ITPR2: variants seen among roughly 807,000 people sequenced by gnomAD.
The protein encoded by ITPR2 is inositol 1,4,5-trisphosphate receptor type 2.
A neutral mutation model predicts 317.1 loss-of-function variants in ITPR2; 207 were observed. The ratio of observed to expected loss-of-function variants is 0.65; its 90% CI spans 0.58 to 0.73. The LOEUF (loss-of-function observed/expected upper bound fraction) is 0.73, where lower values mean the gene tolerates loss of function less well. Ranked by LOEUF, ITPR2 falls within the 30% of genes least tolerant of loss-of-function variation. The probability of loss-of-function intolerance (pLI) is 0.00; values close to 1 mark genes in which losing one functional copy is unlikely to be tolerated. For synonymous variants in ITPR2, 1,156 were observed against 1,149.1 expected, an observed-to-expected ratio of 1.01 and a Z score of -0.12; for missense variants, 2,613 against 3,284.0, an observed-to-expected ratio of 0.80 and a Z score of 4.99.
intron 13 of ITPR2, among the ~76,000 whole-genome samples, chr12:26,678,741 G>T (rs1290808632): frequency 6.6e-6 from 1 of 152,146 alleles, no homozygotes; most frequent in African/African-American, 2.4e-5. Context: ...CTCCAAAACA[G>T]CAGGGAAAGA....
intron 45 of ITPR2, among the ~76,000 whole-genome samples, chr12:26,445,268 G>T (rs1007556608): frequency 3.3e-5 from 5 of 152,154 alleles, no homozygotes; most frequent in African/African-American, 1.2e-4. Context: ...CTTTGGTTTT[G>T]GACATATGAA....
chr12:26,809,815 C>T (rs368669130), intron 1 of ITPR2, among the ~76,000 whole-genome samples: 2 of 152,038 alleles, frequency 1.3e-5, no homozygotes, highest in African/African-American at 2.4e-5. Flanking sequence ...CTATAAATAA[C>T]GAGCGTAGAT....
intron 9 of ITPR2, among the ~76,000 whole-genome samples, chr12:26,706,590 C>A (rs976214645): frequency 1.3e-5 from 2 of 152,122 alleles, no homozygotes; most frequent in Admixed American, 6.5e-5. Context: ...ACCCCCTGAC[C>A]ATTTCTTGCA....
chr12:26,436,431 T>A, intron 47 of ITPR2, 85 bp from the exon 48 acceptor site: 1 of 1,198,242 alleles, frequency 8.3e-7, no homozygotes, highest in Non-Finnish European at 1.2e-6. Flanking sequence ...AATATTTTAC[T>A]AAATGCATCA....
At chr12:26,801,409 A>T (rs1950553608) in intron 1 of ITPR2, 1 of 152,990 alleles carries the variant, frequency 6.5e-6, no homozygotes, top group Non-Finnish European at 1.5e-5. Flanking sequence ...TCATCATTTC[A>T]TCTCTCTGGG....
chr12:26,809,739 G>A (rs1950701754), intron 1 of ITPR2, among the ~76,000 whole-genome samples: 1 of 152,106 alleles, frequency 6.6e-6, no homozygotes, highest in Admixed American at 6.6e-5. Context: ...CTAATCTGAT[G>A]ATTTCCAACC....
chr12:26,364,371 T>C (rs954018929), intron 55 of ITPR2, among the ~76,000 whole-genome samples: 2 of 152,204 alleles, frequency 1.3e-5, no homozygotes, highest in African/African-American at 4.8e-5. Context: ...GGGCCTAAAA[T>C]AATTCCTGGC....
intron 55 of ITPR2, among the ~76,000 whole-genome samples, chr12:26,385,732 G>C (rs1305345719): frequency 6.6e-6 from 1 of 151,922 alleles, no homozygotes; most frequent in Non-Finnish European, 1.5e-5. Flanking sequence ...TTTTATTCAG[G>C]CTACTCCCTC....
Position 26,676,666 on chromosome 12 carries a change from G to T in ITPR2, c.1409+5208C>A, listed in dbSNP as rs947111094. Among the ~76,000 whole-genome samples the T allele has an allele frequency of 2.0e-5, 3 of 151,704 alleles. No homozygotes were observed. The South Asian group carries it at 6.2e-4, about 32-fold the overall frequency. ...GGAAGACGTAAAGAAAGGGGCAGAA[G>T]AAGAGGTAAAATTGTTTAAAAAATA... On this transcript the variant is annotated intron_variant, in intron 13 of 56. Transcript: ENST00000381340.
Position 26,476,987 on chromosome 12 carries a change from C to A in ITPR2, c.6144G>T (p.Leu2048Phe). 1 of 1,612,560 alleles carries A rather than the reference C, an allele frequency of 6.2e-7. No individual in the cohort carries two copies. Among genetic ancestry groups the A allele is most frequent in the Non-Finnish European group, 8.5e-7 (1 of 1,178,796 alleles). The change falls in exon 44 of 57, where the codon TTG becomes TTT. Residue 2048 changes from leucine to phenylalanine, a missense_variant. Leu to Phe is a conservative substitution (Grantham distance 22). Transcript: ENST00000381340. ...CATGTCTGCTTTCCATAATGGCCAGCAAAAGTTTAGATGCATTGTTCTAGA... is the reference window on the plus strand; with the variant it reads ...CATGTCTGCTTTCCATAATGGCCAGAAAAAGTTTAGATGCATTGTTCTAGA... Reference protein sequence around the residue: ...LQLKNNASKLLLAIMESRHDS... With the variant: ...LQLKNNASKLFLAIMESRHDS...
chr12:26,470,650 C>T (rs1415120490), intron 45 of ITPR2, among the ~76,000 whole-genome samples: 4 of 152,106 alleles, frequency 2.6e-5, no homozygotes, highest in Non-Finnish European at 5.9e-5. Flanking sequence ...CATTGTTGTT[C>T]CAAATACTAT....
chr12:26,607,635 G>A (rs1946165738), intron 26 of ITPR2, among the ~76,000 whole-genome samples: 1 of 152,110 alleles, frequency 6.6e-6, no homozygotes, highest in Non-Finnish European at 1.5e-5. Flanking sequence ...ATCCACAATG[G>A]GCAGAAGAGG....
At chr12:26,735,847 C>A (rs76165945) in intron 2 of ITPR2, among the ~76,000 whole-genome samples, 6 of 152,162 alleles carry the variant, frequency 3.9e-5, no homozygotes, top group Non-Finnish European at 7.3e-5. Context: ...AAATTAACTG[C>A]CCTGTCAAAT....
chr12:26,723,860 T>TC (rs1948877631), intron 4 of ITPR2, among the ~76,000 whole-genome samples: 1 of 152,182 alleles, frequency 6.6e-6, no homozygotes, highest in Non-Finnish European at 1.5e-5. Flanking sequence ...ACAGTTGTGC[T>TC]TCTAGACCTC....
intron 49 of ITPR2, among the ~76,000 whole-genome samples, chr12:26,425,671 GAAA>G (rs201178294): frequency 8.6e-6 from 1 of 116,294 alleles, no homozygotes; most frequent in Non-Finnish European, 1.9e-5. Context: ...GTCTAAAAAA[GAAA>G]AAAAAAAAAA....
chr12:26,402,073 A>C (rs1193061843), intron 52 of ITPR2, among the ~76,000 whole-genome samples: 1 of 152,204 alleles, frequency 6.6e-6, no homozygotes, highest in African/African-American at 2.4e-5. Flanking sequence ...TGGTGAGAGC[A>C]ATCAGAGCAG....
At chr12:26,526,095 C>G (rs1288162209) in intron 37 of ITPR2, among the ~76,000 whole-genome samples, 1 of 152,176 alleles carries the variant, frequency 6.6e-6, no homozygotes, top group Non-Finnish European at 1.5e-5. Flanking sequence ...ATCAGCTGCA[C>G]TATTTATTCA....
intron 11 of ITPR2, among the ~76,000 whole-genome samples, chr12:26,683,093 A>G (rs1948066467): frequency 6.6e-6 from 1 of 152,224 alleles, no homozygotes; most frequent in African/African-American, 2.4e-5. Context: ...ACAGTAGTGT[A>G]GTTTGTGTAG....
At chr12:26,550,531 A>G (rs1437809516) in intron 36 of ITPR2, among the ~76,000 whole-genome samples, 176 bp from the exon 37 acceptor site, 1 of 152,194 alleles carries the variant, frequency 6.6e-6, no homozygotes, top group African/African-American at 2.4e-5. Flanking sequence ...TTGTATTACA[A>G]CACATTATTT....
Sources: allele counts gnomAD v4.1 joint callset (sites outside exome capture counted in the v4.1 genomes callset), GRCh38; gene constraint gnomAD v4.1.1; transcripts MANE v1.5; gene names NCBI Gene and HGNC (gene_info 2026-07-23, HGNC 2026-07-21).